PPIP5K2: variants seen among roughly 807,000 people sequenced by gnomAD.
The protein encoded by PPIP5K2 is inositol hexakisphosphate and diphosphoinositol-pentakisphosphate kinase 2.
Under a neutral mutation model 154.6 loss-of-function variants are expected in PPIP5K2, and 105 were observed. The ratio of observed to expected loss-of-function variants is 0.68; its 90% CI spans 0.58 to 0.80. The LOEUF (loss-of-function observed/expected upper bound fraction) is 0.80, where lower values mean the gene tolerates loss of function less well. Ranked by LOEUF, PPIP5K2 falls within the 30% of genes least tolerant of loss-of-function variation. The probability of loss-of-function intolerance (pLI) is 0.00; values close to 1 mark genes in which losing one functional copy is unlikely to be tolerated. For synonymous variants in PPIP5K2, 480 were observed against 490.3 expected, an observed-to-expected ratio of 0.98 and a Z score of 0.28; for missense variants, 992 against 1,504.6, an observed-to-expected ratio of 0.66 and a Z score of 5.64.
intron 5 of PPIP5K2, among the ~76,000 whole-genome samples, chr5:103,143,125 G>C (rs546707757): frequency 7.2e-5 from 11 of 152,010 alleles, no homozygotes; most frequent in African/African-American, 2.7e-4. Flanking sequence ...AAGCCTTATG[G>C]TAATCACAAA....
chr5:103,133,852 T>A (rs1264722567), intron 3 of PPIP5K2, among the ~76,000 whole-genome samples: 1 of 152,152 alleles, frequency 6.6e-6, no homozygotes, highest in Admixed American at 6.5e-5. Context: ...AGTGTATGTG[T>A]AATTTTATAT....
chr5:103,186,236 G>T (rs1268028255), intron 26 of PPIP5K2, 84 bp from the exon 27 acceptor site: 16 of 1,564,224 alleles, frequency 1.0e-5, no homozygotes, highest in Non-Finnish European at 1.4e-5. Context: ...TGTGGTAAGA[G>T]CCATGTTAAT....
In PPIP5K2 at chr5:103,190,914, A is replaced by C; in HGVS notation, c.3425A>C (p.Gln1142Pro). Residue 1142 changes from glutamine (Q) to proline (P), a missense_variant, in exon 29 of 31, where the codon CAA becomes CCA. This residue lies in a region of PPIP5K2 where 29 missense variants were observed against 56.4 expected (regional missense o/e 0.51). Transcript: ENST00000358359. ...CTTCATAATGCCCTATCTTTAAAGC[A>C]AGTGGATGAATTTCTTGCTTCCATT... ...ETLHNALSLK[Q>P]VDEFLASIAS... 6.2e-7 allele frequency: 1 copy of C among 1,610,238 alleles called. No individual in the cohort carries two copies. Among genetic ancestry groups the C allele is most frequent in the Non-Finnish European group, 8.5e-7 (1 of 1,177,870 alleles).
intron 5 of PPIP5K2, among the ~76,000 whole-genome samples, chr5:103,140,777 C>T (rs1554206273): frequency 1.4e-5 from 2 of 145,960 alleles, no homozygotes; most frequent in African/African-American, 5.1e-5. Context: ...GCGGAGCTTG[C>T]AGTGAGCGGA....
intron 29 of PPIP5K2, among the ~76,000 whole-genome samples, chr5:103,192,128 G>C (rs1207757222): frequency 6.6e-6 from 1 of 151,900 alleles, no homozygotes; most frequent in African/African-American, 2.4e-5. Flanking sequence ...ATTTTTGGTA[G>C]TAGAGGCCAG....
intron 29 of PPIP5K2, chr5:103,194,636 C>T (rs1801774872): frequency 9.0e-6 from 2 of 222,288 alleles, no homozygotes; most frequent in South Asian, 2.0e-4. Context: ...AGGATAAAGT[C>T]TGTCGCTCTA....
At chr5:103,159,468 A>T (rs1795892315) in intron 17 of PPIP5K2, 140 bp downstream of exon 17, 1 of 773,730 alleles carries the variant, frequency 1.3e-6, no homozygotes, top group African/African-American at 1.8e-5. Flanking sequence ...GAAATAGAAC[A>T]TTGGAACAAC....
intron 23 of PPIP5K2, among the ~76,000 whole-genome samples, chr5:103,178,200 AG>A (rs1364093938): frequency 6.6e-6 from 1 of 151,986 alleles, no homozygotes; most frequent in Non-Finnish European, 1.5e-5. Context: ...TTGAATTTTA[AG>A]GCCGTGTTTA....
chr5:103,154,781 T>G (rs1554212517), intron 12 of PPIP5K2, 36 bp downstream of exon 12: 11 of 1,554,828 alleles, frequency 7.1e-6, no homozygotes, highest in Non-Finnish European at 9.5e-6. Flanking sequence ...ATTTTAAATT[T>G]TTTAGTGGTG....
intron 30 of PPIP5K2, among the ~76,000 whole-genome samples, chr5:103,198,887 A>G (rs1554229398): frequency 1.3e-5 from 2 of 151,888 alleles, no homozygotes; most frequent in African/African-American, 4.8e-5. Context: ...CTCATTTTGT[A>G]CTAATTCAAT....
chr5:103,153,402 A>G (rs553441162), intron 10 of PPIP5K2, among the ~76,000 whole-genome samples: 4 of 151,880 alleles, frequency 2.6e-5, no homozygotes, highest in Non-Finnish European at 5.9e-5. Flanking sequence ...TCTTCCAGTA[A>G]TTTGAGTTGT....
chr5:103,186,242 T>G (rs1800355754), intron 26 of PPIP5K2, 78 bp from the exon 27 acceptor site: 1 of 1,582,066 alleles, frequency 6.3e-7, no homozygotes, highest in South Asian at 1.1e-5. Flanking sequence ...AAGAGCCATG[T>G]TAATTGCATG....
At chr5:103,160,471 G>A (rs1796051457) in intron 17 of PPIP5K2, among the ~76,000 whole-genome samples, 1 of 152,094 alleles carries the variant, frequency 6.6e-6, no homozygotes, top group South Asian at 2.1e-4. Context: ...ACCATATTAA[G>A]TAATGGTCAT....
intron 29 of PPIP5K2, among the ~76,000 whole-genome samples, chr5:103,193,868 T>A (rs760759681): frequency 6.6e-6 from 1 of 152,140 alleles, no homozygotes; most frequent in Non-Finnish European, 1.5e-5. Context: ...CTTTGGCCTG[T>A]CCTTGCCCAG....
chr5:103,210,368 C>G lies in PPIP5K2; in HGVS notation c.*8734C>G, dbSNP rs1161327710. On this transcript the variant is annotated 3_prime_UTR_variant, in exon 31 of 31. Transcript: ENST00000358359. ...TTTAATTCCATTTTTGACAATGAAC[C>G]TTGTGCTTCTGAAAATATTTATATT... 1 of 152,056 alleles carries G rather than the reference C, an allele frequency of 6.6e-6. No homozygotes were observed. Among genetic ancestry groups the G allele is most frequent in the East Asian group, 1.9e-4 (1 of 5,188 alleles). 9.4% of individuals were successfully genotyped at this position (152,056 alleles called of 1,614,324 possible).
rs1554212631 is a variant in PPIP5K2, at chr5:103,154,931, C to G, written c.1391C>G (p.Thr464Ser). ...ENKPKLEQLK[T>S]VLEMYGHFSG... ...AAGCCAAAACTTGAACAACTTAAGA[C>G]TGTATTAGAGATGTGAGTATCTTTT... The change falls in exon 13 of 31, where the codon ACT becomes AGT. Residue 464 changes from threonine to serine, a missense_variant. Around this residue, in one of 9 missense-constraint regions of PPIP5K2, gnomAD observed 163 missense variants for 285.2 expected, o/e 0.57. Coordinates refer to ENST00000358359, the MANE Select transcript of PPIP5K2 (RefSeq NM_001276277.3). 1.9e-6 allele frequency: 3 copies of G among 1,589,332 alleles called. No homozygotes were observed. The highest frequency in any genetic ancestry group is 1.7e-6 in the Non-Finnish European group (2 of 1,168,420).
At chr5:103,196,491 T>C (rs1330559424) in intron 30 of PPIP5K2, among the ~76,000 whole-genome samples, 2 of 152,178 alleles carry the variant, frequency 1.3e-5, no homozygotes, top group African/African-American at 4.8e-5. Context: ...TAGTTCTTTA[T>C]ATTATAAGCA....
chr5:103,181,171 A>G (rs1799478118), intron 24 of PPIP5K2, among the ~76,000 whole-genome samples: 1 of 152,046 alleles, frequency 6.6e-6, no homozygotes, highest in Non-Finnish European at 1.5e-5. Context: ...AATACTTTAA[A>G]TAAGTTTTAT....
At position 103,210,612 on chromosome 5, in the gene PPIP5K2, T is replaced by C. The variant is rs1429533164; in HGVS notation, c.*8978T>C. ...TTCCCTCTACTATTCCTAGCTCCCT[T>C]TTCTTTCATAGTCAACAAGTGCTTT... On this transcript the variant is annotated 3_prime_UTR_variant, in exon 31 of 31. Transcript: ENST00000358359. The C allele has an allele frequency of 6.6e-6, 1 of 152,052 alleles. No homozygotes were observed. The highest frequency in any genetic ancestry group is 1.5e-5 in the Non-Finnish European group (1 of 67,982). The allele number at this position is 152,052 out of a possible 1,614,324, so 9.4% of individuals were successfully genotyped here.
Sources: allele counts gnomAD v4.1 joint callset (sites outside exome capture counted in the v4.1 genomes callset), GRCh38; gene constraint gnomAD v4.1.1; regional missense constraint gnomAD v4.1.1; transcripts MANE v1.5; gene names NCBI Gene and HGNC (gene_info 2026-07-23, HGNC 2026-07-21).